Variants in ARID4B observed in about 807,000 individuals in gnomAD.
ARID4B encodes the protein AT-rich interactive domain-containing protein 4B.
ARID4B carries 26 observed loss-of-function variants against 147.5 expected under a neutral mutation model. The observed-to-expected ratio is 0.18, with a 90% CI of 0.13 to 0.24. ARID4B has a LOEUF of 0.24. ARID4B is among the 10% of genes least tolerant of loss of function. The pLI, the probability that ARID4B is intolerant of heterozygous loss-of-function variation, is 1.00. For missense variants in ARID4B, 1,179 were observed against 1,511.5 expected (o/e 0.78, Z 3.65); for synonymous variants, 512 against 507.9 (o/e 1.01, Z -0.11).
intron 2 of ARID4B, among the ~76,000 whole-genome samples, chr1:235,275,203 G>A (rs181165056): frequency 1.1e-4 from 17 of 152,284 alleles, no homozygotes; most frequent in Non-Finnish European, 2.1e-4. Context: ...TCAATTACAA[G>A]TTATTTCTCT....
At chr1:235,207,079 TGAAAACACAGA>T (rs1471083000) in intron 17 of ARID4B, among the ~76,000 whole-genome samples, 3 of 152,176 alleles carry the variant, frequency 2.0e-5, no homozygotes, top group Non-Finnish European at 4.4e-5. Context: ...TGGCTAAAGA[TGAAAACACAGA>T]GAATGTGGCA....
chr1:235,186,457 C>T (rs1249404785), intron 19 of ARID4B, among the ~76,000 whole-genome samples: 1 of 150,382 alleles, frequency 6.6e-6, no homozygotes, highest in Non-Finnish European at 1.5e-5. Flanking sequence ...GTTGCCCAGG[C>T]TGGAGTGCGC....
chr1:235,295,132 G>T (rs1288383107), intron 2 of ARID4B, among the ~76,000 whole-genome samples: 2 of 151,972 alleles, frequency 1.3e-5, no homozygotes, highest in African/African-American at 4.8e-5. Context: ...CTACATTATG[G>T]TATTGTTATC....
Position 235,168,324 on chromosome 1 carries a change from C to A in ARID4B, c.*201G>T. On this transcript the variant is annotated 3_prime_UTR_variant, in exon 24 of 24. Transcript: ENST00000264183. ...ACACAATTCCCAGACAAGTTGGAAA[C>A]AATTATTGCTTGAGGAAAAGCAGTT... is the stretch of plus-strand genomic sequence containing the variant. The A allele has an allele frequency of 1.9e-6, 1 of 521,826 alleles. No homozygotes were observed. 32.3% of individuals were successfully genotyped at this position (521,826 alleles called of 1,614,324 possible).
At chr1:235,292,562 G>T (rs562782633) in intron 2 of ARID4B, among the ~76,000 whole-genome samples, 2 of 149,916 alleles carry the variant, frequency 1.3e-5, no homozygotes, top group African/African-American at 4.9e-5. Flanking sequence ...GCTGCAGTGA[G>T]TTGAGATCAT....
chr1:235,197,440 T>G (rs1467379223), intron 17 of ARID4B, among the ~76,000 whole-genome samples: 1 of 152,222 alleles, frequency 6.6e-6, no homozygotes, highest in Non-Finnish European at 1.5e-5. Context: ...AGCAAACTCC[T>G]GGGCAGTTAC....
intron 2 of ARID4B, among the ~76,000 whole-genome samples, chr1:235,323,550 C>T (rs779561771): frequency 6.6e-6 from 1 of 151,988 alleles, no homozygotes; most frequent in East Asian, 1.9e-4. Flanking sequence ...TTTGGGAGGC[C>T]GAGGCGGGCA....
chr1:235,269,280 T>C (rs1194245189), intron 2 of ARID4B, among the ~76,000 whole-genome samples: 2 of 152,210 alleles, frequency 1.3e-5, no homozygotes, highest in African/African-American at 2.4e-5. Context: ...GCAACCATCA[T>C]AAAGGTGGCT....
At chr1:235,177,080 C>A (rs1056641069) in intron 21 of ARID4B, among the ~76,000 whole-genome samples, 9 of 152,152 alleles carry the variant, frequency 5.9e-5, no homozygotes, top group Admixed American at 1.3e-4. Context: ...ACTCTCAGGT[C>A]ACATAATATA....
At chr1:235,178,442 G>T (rs1313148444) in intron 20 of ARID4B, among the ~76,000 whole-genome samples, 2 of 151,740 alleles carry the variant, frequency 1.3e-5, no homozygotes, top group African/African-American at 4.8e-5. Flanking sequence ...GGCACTGTTT[G>T]GTTAACATGC....
At chr1:235,235,813 T>A (rs1389585542) in intron 8 of ARID4B, among the ~76,000 whole-genome samples, 1 of 151,818 alleles carries the variant, frequency 6.6e-6, no homozygotes, top group Non-Finnish European at 1.5e-5. Context: ...AGACTGAGAG[T>A]AAGTCTCAAT....
intron 2 of ARID4B, among the ~76,000 whole-genome samples, chr1:235,317,615 C>A (rs1674529383): frequency 6.6e-6 from 1 of 152,092 alleles, no homozygotes; most frequent in South Asian, 2.1e-4. Context: ...CTTCCATAAA[C>A]TCATTTTTTT....
intron 2 of ARID4B, among the ~76,000 whole-genome samples, chr1:235,285,986 A>G (rs957405718): frequency 5.3e-5 from 8 of 152,164 alleles, no homozygotes; most frequent in Non-Finnish European, 1.0e-4. Context: ...GAAAAAAATG[A>G]TATGAGAGAA....
intron 2 of ARID4B, among the ~76,000 whole-genome samples, chr1:235,315,287 C>T (rs183215483): frequency 4.3e-4 from 65 of 152,234 alleles, no homozygotes; most frequent in African/African-American, 1.4e-3. Context: ...TTTAGCGAGG[C>T]ATGGTGGTGT....
At chr1:235,314,938 T>TTAG (rs1674325436) in intron 2 of ARID4B, among the ~76,000 whole-genome samples, 1 of 152,210 alleles carries the variant, frequency 6.6e-6, no homozygotes, top group Non-Finnish European at 1.5e-5. Flanking sequence ...CAATGAAACT[T>TTAG]ACTAAAGTTA....
At position 235,168,079 on chromosome 1, in the gene ARID4B, A is replaced by G. The variant is rs1571876255; in HGVS notation, c.*446T>C. ...GCCACCCTAAGGTGACTTGCTTTAA[A>G]AAACAATTACCTTGTACAAATGAAA... On this transcript the variant is annotated 3_prime_UTR_variant, in exon 24 of 24. Transcript: ENST00000264183. 4.9e-6 allele frequency: 1 copy of G among 205,648 alleles called. No homozygotes were observed. 12.7% of individuals were successfully genotyped at this position (205,648 alleles called of 1,614,324 possible). A position where few individuals can be genotyped will look rare whatever the true frequency, so the allele number is the denominator to read the frequency against.
intron 17 of ARID4B, among the ~76,000 whole-genome samples, chr1:235,211,968 A>C (rs1666745162): frequency 6.6e-6 from 1 of 152,138 alleles, no homozygotes; most frequent in Admixed American, 6.5e-5. Flanking sequence ...CACATACCAG[A>C]AAGGCAGCAT....
chr1:235,302,352 G>C (rs1249023466), intron 2 of ARID4B, among the ~76,000 whole-genome samples: 1 of 146,906 alleles, frequency 6.8e-6, no homozygotes, highest in Non-Finnish European at 1.5e-5. Context: ...GGGGAGGGGA[G>C]GGAAAGGAGT....
At chr1:235,242,156 G>A (rs1163678576) in intron 7 of ARID4B, among the ~76,000 whole-genome samples, 1 of 151,934 alleles carries the variant, frequency 6.6e-6, no homozygotes, top group Non-Finnish European at 1.5e-5. Flanking sequence ...GCTGAGGCAG[G>A]AGAATTGCCT....
Sources: gnomAD v4.1 joint callset for allele counts (sites outside exome capture counted in the v4.1 genomes callset) on GRCh38, gnomAD v4.1.1 for gene constraint, MANE v1.5 for transcripts, NCBI Gene and HGNC (gene_info 2026-07-23, HGNC 2026-07-21) for gene names.